Variants in PUDP observed in about 807,000 individuals in gnomAD.
PUDP encodes pseudouridine-5'-phosphatase.
A neutral mutation model predicts 9.4 loss-of-function variants in PUDP; 8 were observed. The observed-to-expected ratio is 0.85, with a 90% confidence interval of 0.50 to 1.53. PUDP has a LOEUF of 1.53. PUDP is among the 40% of genes most tolerant of loss of function. The pLI, the probability that PUDP is intolerant of heterozygous loss-of-function variation, is 0.00. For missense variants in PUDP, 188 were observed against 189.7 expected, an observed-to-expected ratio of 0.99 and a Z score of 0.05; for synonymous variants, 99 against 80.7, an observed-to-expected ratio of 1.23 and a Z score of -1.22.
intron 3 of PUDP, among the ~76,000 whole-genome samples, chrX:6,752,001 T>C (rs923665138): frequency 9.0e-6 from 1 of 111,231 alleles, no homozygotes; most frequent in Non-Finnish European, 1.9e-5. Context: ...TTTCATCTCA[T>C]CATTTCCTAA....
chrX:6,714,280 T>A (rs1377563027), intron 1 of PUDP, among the ~76,000 whole-genome samples: 1 of 111,640 alleles, frequency 9.0e-6, no homozygotes, highest in African/African-American at 3.3e-5. Flanking sequence ...GATTCAACCA[T>A]CAAGAAATAA....
At chrX:7,097,245 C>T (rs1388610761) in intron 2 of PUDP, among the ~76,000 whole-genome samples, 1 of 111,918 alleles carries the variant, frequency 8.9e-6, no homozygotes, top group Admixed American at 9.5e-5. Flanking sequence ...TCTCCCTATC[C>T]AGAAAGCAAA....
At chrX:6,888,274 A>G (rs1227708906) in intron 3 of PUDP, among the ~76,000 whole-genome samples, 1 of 110,772 alleles carries the variant, frequency 9.0e-6, no homozygotes, top group African/African-American at 3.3e-5. Flanking sequence ...TGGGGAAAGA[A>G]CACAGCATTA....
At chrX:6,874,657 CT>C (rs757775975) in intron 3 of PUDP, among the ~76,000 whole-genome samples, 5 of 112,438 alleles carry the variant, frequency 4.4e-5, no homozygotes, top group Admixed American at 9.4e-5. Flanking sequence ...CCAATCAAAT[CT>C]GTTAAGTGAA....
rs146535637 is a variant in PUDP, at chrX:6,885,531, T to C, written c.*247+91602A>G. On this transcript the variant is annotated intron_variant and NMD_transcript_variant, in intron 3 of 3. Transcript: ENST00000655425. ...TACCCAATACAAACCTTAAGGGGGA[T>C]CATCCAATGGTCCCTGTTTATAACA... 2.7e-4 allele frequency among the ~76,000 whole-genome samples: 30 copies of C among 111,987 alleles called. No individual in the cohort carries two copies. The East Asian group carries it at 8.5e-3, about 32-fold the overall frequency.
chrX:7,016,733 T>A (rs747776028), intron 1 of PUDP, among the ~76,000 whole-genome samples: 1 of 110,389 alleles, frequency 9.1e-6, no homozygotes, highest in African/African-American at 3.3e-5. Context: ...GAAGGAAGTA[T>A]CTTTTTGGGT....
At chrX:6,795,496 T>C (rs1925829488) in intron 3 of PUDP, among the ~76,000 whole-genome samples, 2 of 111,701 alleles carry the variant, frequency 1.8e-5, no homozygotes, top group African/African-American at 6.5e-5. Flanking sequence ...GGCTGGATGA[T>C]GCCTGCCTAC....
intron 3 of PUDP, among the ~76,000 whole-genome samples, chrX:6,895,055 G>C (rs1399722111): frequency 9.0e-6 from 1 of 110,605 alleles, no homozygotes; most frequent in Non-Finnish European, 1.9e-5. Flanking sequence ...TGGGTGCAAA[G>C]AGAGAAAGTG....
intron 3 of PUDP, among the ~76,000 whole-genome samples, chrX:7,066,494 G>A (rs1249900229): frequency 1.8e-5 from 2 of 111,003 alleles, no homozygotes; most frequent in African/African-American, 3.3e-5. Flanking sequence ...ATTCTCATAC[G>A]GAGCACACAA....
At chrX:6,876,950 T>TAC (rs747481639) in intron 3 of PUDP, among the ~76,000 whole-genome samples, 2,202 of 92,528 alleles carry the variant, frequency 0.024, 51 homozygotes, top group African/African-American at 0.068. Context: ...CATATATGTG[T>TAC]ACACACACAC....
chrX:7,076,786 C>T (rs1292655032), intron 3 of PUDP, among the ~76,000 whole-genome samples: 2 of 112,188 alleles, frequency 1.8e-5, no homozygotes, highest in Non-Finnish European at 3.8e-5. Context: ...CAGCAACCAA[C>T]GAGCACTCTA....
At chrX:6,740,068 G>A (rs911431582) in intron 3 of PUDP, among the ~76,000 whole-genome samples, 1 of 111,339 alleles carries the variant, frequency 9.0e-6, no homozygotes, top group African/African-American at 3.3e-5. Context: ...TTCCTTTAGG[G>A]TGATCAACTC....
chrX:6,745,526 TAC>T (rs1363092366), intron 3 of PUDP, among the ~76,000 whole-genome samples: 164 of 112,386 alleles, frequency 1.5e-3, no homozygotes, highest in Non-Finnish European at 2.4e-3. Flanking sequence ...TCAAGACCAG[TAC>T]TACCTCTAAA....
At chrX:6,898,568 T>C (rs1354611753) in intron 3 of PUDP, among the ~76,000 whole-genome samples, 1 of 111,943 alleles carries the variant, frequency 8.9e-6, no homozygotes, top group Admixed American at 9.5e-5. Flanking sequence ...AAATGTTTTC[T>C]GTCAAGGGCC....
chrX:6,802,703 G>A (rs1390167743), intron 3 of PUDP, among the ~76,000 whole-genome samples: 1 of 108,571 alleles, frequency 9.2e-6, no homozygotes, highest in Non-Finnish European at 1.9e-5. Flanking sequence ...GGGCCACATG[G>A]TGAAACCCCG....
chrX:6,718,767 T>A (rs1385919198), intron 1 of PUDP, among the ~76,000 whole-genome samples: 1 of 111,783 alleles, frequency 8.9e-6, no homozygotes, highest in African/African-American at 3.3e-5. Flanking sequence ...AATCAAAAAA[T>A]GCCTTAAAAA....
rs200988870 is a variant in PUDP at position 6,903,953 on chromosome X, T to TA, written c.*247+73179_*247+73180insT. ...CCCAAGTTTAAAAAATATATATATA[T>TA]TTATTTTTTTTTTTTTGAGATGGAG... On this transcript the variant is annotated intron_variant and NMD_transcript_variant, in intron 3 of 3. Transcript: ENST00000655425. 3.7e-3 allele frequency among the ~76,000 whole-genome samples: 291 copies of TA among 79,137 alleles called. 6 individuals carry two copies. The East Asian group carries it at 0.066, about 18-fold the overall frequency. The allele number at this position is 79,137 out of a possible 115,157, so 68.7% of individuals were successfully genotyped here.
chrX:7,083,954 T>C (rs1359934648), intron 2 of PUDP, among the ~76,000 whole-genome samples: 3 of 110,768 alleles, frequency 2.7e-5, no homozygotes, highest in Non-Finnish European at 3.8e-5. Context: ...TTTTAAAACA[T>C]TGACAATATT....
At chrX:7,126,115 A>G (rs1312528635) in intron 1 of PUDP, among the ~76,000 whole-genome samples, 3 of 112,380 alleles carry the variant, frequency 2.7e-5, no homozygotes, top group African/African-American at 9.7e-5. Flanking sequence ...CATTAAGAAT[A>G]TAAACAGCAA....
Sources: gnomAD v4.1 joint callset for allele counts (sites outside exome capture counted in the v4.1 genomes callset) on GRCh38, gnomAD v4.1.1 for gene constraint, MANE v1.5 for transcripts, NCBI Gene and HGNC (gene_info 2026-07-23, HGNC 2026-07-21) for gene names.